The following SLC4A4 variants were observed in gnomAD, a reference collection of about 807,000 sequenced individuals.
The protein encoded by SLC4A4 is solute carrier family 4 member 4, also known as electrogenic sodium bicarbonate cotransporter 1.
Under a neutral mutation model 111.5 loss-of-function variants are expected in SLC4A4, and 27 were observed. That is an observed-to-expected ratio of 0.24 (90% CI 0.18 to 0.33). The LOEUF (loss-of-function observed/expected upper bound fraction) is 0.33. Among genes scored for constraint, SLC4A4 ranks in the 10% least tolerant of loss-of-function variants. SLC4A4 has a pLI of 1.00. For synonymous variants in SLC4A4, 443 were observed against 463.4 expected, an observed-to-expected ratio of 0.96 and a Z score of 0.57; for missense variants, 909 against 1,315.5, an observed-to-expected ratio of 0.69 and a Z score of 4.78.
chr4:71,305,067 C>A (rs949692203), intron 3 of SLC4A4, among the ~76,000 whole-genome samples: 3 of 152,154 alleles, frequency 2.0e-5, no homozygotes, highest in African/African-American at 4.8e-5. Flanking sequence ...TGACTGACAC[C>A]TTACATTCAT....
chr4:71,332,445 CTTT>C (rs1217439953), intron 3 of SLC4A4, among the ~76,000 whole-genome samples: 3 of 136,896 alleles, frequency 2.2e-5, no homozygotes, highest in Non-Finnish European at 4.8e-5. Flanking sequence ...TGTGTATTTT[CTTT>C]TTTTTTTTTT....
chr4:71,119,040 T>G (rs1743347292), intron 2 of SLC4A4, among the ~76,000 whole-genome samples: 1 of 152,152 alleles, frequency 6.6e-6, no homozygotes, highest in Admixed American at 6.5e-5. Flanking sequence ...AAAAGTGAAC[T>G]CTAATGTAAA....
upstream of SLC4A4, among the ~76,000 whole-genome samples, chr4:71,185,239 A>C (rs1172715289): frequency 6.6e-6 from 1 of 152,224 alleles, no homozygotes; most frequent in Non-Finnish European, 1.5e-5. Context: ...ATTGCCAGCT[A>C]TGTTGAAATA....
intron 2 of SLC4A4, among the ~76,000 whole-genome samples, chr4:71,117,688 CA>C (rs1462848825): frequency 6.6e-6 from 1 of 152,092 alleles, no homozygotes; most frequent in Non-Finnish European, 1.5e-5. Context: ...ATCAATCTGG[CA>C]TAATGATTTA....
intron 17 of SLC4A4, 109 bp from the exon 18 acceptor site, chr4:71,534,118 A>C: frequency 1.2e-6 from 1 of 868,704 alleles, no homozygotes; most frequent in East Asian, 2.6e-5. Flanking sequence ...TATATTTCTC[A>C]ATATGTTGGT....
intron 2 of SLC4A4, among the ~76,000 whole-genome samples, chr4:71,175,415 A>G (rs886899036): frequency 6.6e-6 from 1 of 152,226 alleles, no homozygotes; most frequent in Non-Finnish European, 1.5e-5. Context: ...GGGTCAGGGA[A>G]TTCCCTTTCC....
chr4:71,406,007 T>C (rs1035868068), intron 7 of SLC4A4, among the ~76,000 whole-genome samples: 1 of 151,944 alleles, frequency 6.6e-6, no homozygotes, highest in East Asian at 1.9e-4. Context: ...TTTCAGGCTC[T>C]GTGAGAATTT....
chr4:71,516,626 G>A (rs1357177245), intron 16 of SLC4A4, among the ~76,000 whole-genome samples: 1 of 152,136 alleles, frequency 6.6e-6, no homozygotes, highest in African/African-American at 2.4e-5. Context: ...GAGCTCTTCT[G>A]TATTTCAGAT....
At chr4:71,502,890 T>C (rs1221538933) in intron 16 of SLC4A4, among the ~76,000 whole-genome samples, 1 of 152,182 alleles carries the variant, frequency 6.6e-6, no homozygotes. Flanking sequence ...TTGTTGATTT[T>C]CTGTATAGAT....
chr4:71,146,285 T>C (rs1284320071), intron 2 of SLC4A4, among the ~76,000 whole-genome samples: 1 of 152,214 alleles, frequency 6.6e-6, no homozygotes, highest in Non-Finnish European at 1.5e-5. Flanking sequence ...TTCTGAGTTC[T>C]AGTTTGATTG....
chr4:71,350,097 C>T, intron 5 of SLC4A4, 25 bp downstream of exon 5: 1 of 1,613,588 alleles, frequency 6.2e-7, no homozygotes, highest in Non-Finnish European at 8.5e-7. Context: ...TGAATTTTAT[C>T]CTATTTTTTT....
Position 71,493,272 on chromosome 4 carries a change from A to G in SLC4A4, c.1975-4229A>G, listed in dbSNP as rs150254750. Among the ~76,000 whole-genome samples, 38 of 152,112 alleles carry G rather than the reference A, an allele frequency of 2.5e-4. No homozygotes were observed. The East Asian group carries it at 6.4e-3, about 26-fold the overall frequency. ...ATGAAACACTTATACTGAAAATACT[A>G]TTTGTTGTTTACCTGAAATTCAAAT... On this transcript the variant is annotated intron_variant, in intron 15 of 25. Transcript: ENST00000264485.
intron 13 of SLC4A4, among the ~76,000 whole-genome samples, chr4:71,467,327 C>T (rs1727462707): frequency 6.6e-6 from 1 of 152,114 alleles, no homozygotes; most frequent in South Asian, 2.1e-4. Context: ...GTCCACTGCT[C>T]CTCACCCCAG....
chr4:71,237,210 T>G (rs1174170537), intron 2 of SLC4A4, among the ~76,000 whole-genome samples: 7 of 152,220 alleles, frequency 4.6e-5, no homozygotes, highest in Non-Finnish European at 1.0e-4. Context: ...TCCTAGTGCC[T>G]GTTAAAAACT....
intron 3 of SLC4A4, among the ~76,000 whole-genome samples, chr4:71,329,328 G>A (rs146737198): frequency 5.9e-5 from 9 of 151,788 alleles, no homozygotes; most frequent in African/African-American, 2.2e-4. Flanking sequence ...CATATAGATT[G>A]TAGGATTTTT....
chr4:71,090,769 G>A (rs1323894902), intron 1 of SLC4A4, among the ~76,000 whole-genome samples: 1 of 152,132 alleles, frequency 6.6e-6, no homozygotes, highest in Non-Finnish European at 1.5e-5. Flanking sequence ...AAATTATTGT[G>A]AAACAATTAG....
At chr4:71,234,162 A>C (rs1320875547) in intron 1 of SLC4A4, among the ~76,000 whole-genome samples, 2 of 152,128 alleles carry the variant, frequency 1.3e-5, no homozygotes, top group Non-Finnish European at 2.9e-5. Context: ...CCTCATGTGA[A>C]CCACCCTGTG....
intron 1 of SLC4A4, among the ~76,000 whole-genome samples, chr4:71,076,852 A>C (rs1157651684): frequency 1.3e-5 from 2 of 151,746 alleles, no homozygotes; most frequent in South Asian, 4.2e-4. Flanking sequence ...TTAGCCTGGC[A>C]TGATGGAGAG....
chr4:71,455,470 G>C (rs1479137944), intron 12 of SLC4A4, among the ~76,000 whole-genome samples: 1 of 152,120 alleles, frequency 6.6e-6, no homozygotes, highest in African/African-American at 2.4e-5. Context: ...ACAGCGTAAG[G>C]ATAACTAAAA....
Sources: allele counts gnomAD v4.1 joint callset (sites outside exome capture counted in the v4.1 genomes callset), GRCh38; gene constraint gnomAD v4.1.1; transcripts MANE v1.5; gene names NCBI Gene and HGNC (gene_info 2026-07-23, HGNC 2026-07-21).